ILRUN: variants seen among roughly 807,000 people sequenced by gnomAD.
The protein encoded by ILRUN is inflammation and lipid regulator with UBA-like and NBR1-like domains.
A neutral mutation model predicts 33.8 loss-of-function variants in ILRUN; 3 were observed. The ratio of observed to expected loss-of-function variants is 0.09; its 90% CI spans 0.04 to 0.23. ILRUN has a LOEUF of 0.23. Ranked by LOEUF, ILRUN falls within the 10% of genes least tolerant of loss-of-function variation. The probability of loss-of-function intolerance (pLI) is 1.00; values close to 1 mark genes in which losing one functional copy is unlikely to be tolerated. For missense variants in ILRUN, 210 were observed against 375.1 expected (o/e 0.56, Z 3.64); for synonymous variants, 124 against 138.9 (o/e 0.89, Z 0.75).
chr6:34,666,070 G>A (rs1418774461), intron 1 of ILRUN, among the ~76,000 whole-genome samples: 2 of 151,950 alleles, frequency 1.3e-5, no homozygotes, highest in African/African-American at 4.8e-5. Flanking sequence ...CTCTCTGCAA[G>A]AGCAAAAAGG....
At chr6:34,619,814 G>C (rs1444984293) in intron 3 of ILRUN, among the ~76,000 whole-genome samples, 1 of 151,956 alleles carries the variant, frequency 6.6e-6, no homozygotes, top group Non-Finnish European at 1.5e-5. Flanking sequence ...GTGAAACCCC[G>C]TCTCTACTAA....
At chr6:34,693,221 A>C (rs561777138) in intron 1 of ILRUN, among the ~76,000 whole-genome samples, 1 of 152,338 alleles carries the variant, frequency 6.6e-6, no homozygotes, top group South Asian at 2.1e-4. Flanking sequence ...TTTTCATTTT[A>C]TAATCAAAGA....
rs375396950 is a variant in ILRUN, at chr6:34,610,086, G to A, written c.512-3182C>T. ...TGAGGCAGGAGAATGGCATGAACCCGGGAGGCAGAGCTTGCAGTGAGCTGA... is the reference window on the plus strand; with the variant it reads ...TGAGGCAGGAGAATGGCATGAACCCAGGAGGCAGAGCTTGCAGTGAGCTGA... On this transcript the variant is annotated intron_variant, in intron 3 of 4. Transcript: ENST00000374023. Among the ~76,000 whole-genome samples, 32 of 151,894 alleles carry A rather than the reference G, an allele frequency of 2.1e-4. No individual in the cohort carries two copies. The South Asian group carries it at 5.6e-3, about 27-fold the overall frequency.
intron 4 of ILRUN, among the ~76,000 whole-genome samples, chr6:34,599,283 G>T (rs1230756411): frequency 2.0e-5 from 3 of 152,218 alleles, no homozygotes; most frequent in Non-Finnish European, 2.9e-5. Context: ...TGAAGAATAA[G>T]AATAAAAGCA....
At position 34,683,441 on chromosome 6, in the gene ILRUN, CATAT is replaced by C. The variant is rs68021203; in HGVS notation, c.158+13001_158+13004del. ...ATACATATATATACATATATATATACATATATATATACATATATATACATATATA... is the reference window on the plus strand; with the variant it reads ...ATACATATATATACATATATATATACATATATACATATATATACATATATA... On this transcript the variant is annotated intron_variant, in intron 1 of 4. Coordinates refer to ENST00000374023, the MANE Select transcript of ILRUN (RefSeq NM_024294.4). Among the ~76,000 whole-genome samples the C allele has an allele frequency of 4.8e-3, 579 of 120,038 alleles. 10 individuals are homozygous for C. Among genetic ancestry groups the C allele is most frequent in the East Asian group, 0.03 (132 of 4,470 alleles). The allele number at this position is 120,038 out of a possible 152,430, so 78.7% of individuals were successfully genotyped here.
chr6:34,689,759 T>C (rs1270591395), intron 1 of ILRUN, among the ~76,000 whole-genome samples: 4 of 151,554 alleles, frequency 2.6e-5, no homozygotes, highest in Non-Finnish European at 4.4e-5. Flanking sequence ...TGATTTGTGG[T>C]TATATCTTTA....
chr6:34,684,180 A>C (rs1206525518), intron 1 of ILRUN, among the ~76,000 whole-genome samples: 1 of 152,186 alleles, frequency 6.6e-6, no homozygotes, highest in African/African-American at 2.4e-5. Flanking sequence ...CCATTCTAGC[A>C]GGGCAATATT....
At chr6:34,643,554 T>C (rs1222330391) in intron 3 of ILRUN, among the ~76,000 whole-genome samples, 2 of 152,146 alleles carry the variant, frequency 1.3e-5, no homozygotes, top group African/African-American at 4.8e-5. Flanking sequence ...CTTCAGTTAA[T>C]AATGTAAAAA....
chr6:34,610,130 C>T (rs1380959353), intron 3 of ILRUN, among the ~76,000 whole-genome samples: 1 of 149,928 alleles, frequency 6.7e-6, no homozygotes, highest in Non-Finnish European at 1.5e-5. Flanking sequence ...CACTGCACTC[C>T]AGCCTGGGCG....
intron 4 of ILRUN, chr6:34,595,911 T>G (rs1378709981): frequency 2.0e-6 from 2 of 985,332 alleles, no homozygotes; most frequent in African/African-American, 1.7e-5. Flanking sequence ...GGTCAGTGCT[T>G]CTTCCGCCTA....
intron 3 of ILRUN, among the ~76,000 whole-genome samples, chr6:34,641,497 G>A (rs1762474830): frequency 6.6e-6 from 1 of 152,198 alleles, no homozygotes; most frequent in Non-Finnish European, 1.5e-5. Context: ...CAGAGCTCCA[G>A]CGGTCATCCC....
intron 1 of ILRUN, among the ~76,000 whole-genome samples, chr6:34,695,776 T>G (rs897237822): frequency 6.6e-6 from 1 of 151,526 alleles, no homozygotes; most frequent in African/African-American, 2.4e-5. Context: ...GGGTCCTCCA[T>G]GTGTCGATTT....
intron 3 of ILRUN, 100 bp from the exon 4 acceptor site, chr6:34,607,004 A>G (rs1761647725): frequency 3.4e-6 from 3 of 878,560 alleles, no homozygotes; most frequent in Admixed American, 2.6e-5. Flanking sequence ...CCACAGAATG[A>G]AACATTCTTC....
intron 3 of ILRUN, among the ~76,000 whole-genome samples, chr6:34,635,165 G>A (rs923417370): frequency 4.6e-5 from 7 of 152,050 alleles, no homozygotes; most frequent in African/African-American, 1.7e-4. Context: ...GAAATCTACT[G>A]AGCCAAAACC....
intron 1 of ILRUN, among the ~76,000 whole-genome samples, chr6:34,674,925 T>A (rs893872828): frequency 6.6e-6 from 1 of 151,962 alleles, no homozygotes; most frequent in African/African-American, 2.4e-5. Context: ...AAAATTTTTT[T>A]AATTAAATTC....
At chr6:34,609,035 G>C (rs543543142) in intron 3 of ILRUN, among the ~76,000 whole-genome samples, 2 of 152,156 alleles carry the variant, frequency 1.3e-5, no homozygotes, top group South Asian at 2.1e-4. Flanking sequence ...ACTGTTGAAA[G>C]GTTGATAGAA....
intron 1 of ILRUN, among the ~76,000 whole-genome samples, chr6:34,666,712 T>C (rs910031518): frequency 1.3e-5 from 2 of 152,156 alleles, no homozygotes; most frequent in African/African-American, 4.8e-5. Context: ...AGTATAAATA[T>C]GTGACATGTG....
chr6:34,599,894 C>T (rs137867299), intron 4 of ILRUN, among the ~76,000 whole-genome samples: 55 of 152,338 alleles, frequency 3.6e-4, no homozygotes, highest in African/African-American at 1.3e-3. Context: ...GGCCAAGAAT[C>T]CTGGTGTTAT....
At chr6:34,625,343 A>C (rs1270097378) in intron 3 of ILRUN, among the ~76,000 whole-genome samples, 2 of 152,154 alleles carry the variant, frequency 1.3e-5, no homozygotes, top group African/African-American at 4.8e-5. Flanking sequence ...TGGGGGCATT[A>C]ATTCAGCACC....
Sources: allele counts gnomAD v4.1 joint callset (sites outside exome capture counted in the v4.1 genomes callset), GRCh38; gene constraint gnomAD v4.1.1; transcripts MANE v1.5; gene names NCBI Gene and HGNC (gene_info 2026-07-23, HGNC 2026-07-21).